Variants in GALNT13 observed in about 807,000 individuals in gnomAD.
GALNT13 encodes UDP-GalNAc:polypeptide N-acetylgalactosaminyltransferase 13.
In GALNT13, 28 loss-of-function variants were observed where a neutral mutation model predicts 64.2. The observed-to-expected ratio is 0.44, with a 90% CI of 0.32 to 0.60. GALNT13 has a LOEUF of 0.60. Ranked by LOEUF, GALNT13 falls within the 20% of genes least tolerant of loss-of-function variation. GALNT13 has a pLI of 0.05. For synonymous variants in GALNT13, 214 were observed against 224.6 expected (o/e 0.95, Z 0.42); for missense variants, 577 against 669.8 (o/e 0.86, Z 1.53).
At chr2:153,837,754 T>C in the GALNT13 span, among the ~76,000 whole-genome samples, 1 of 152,092 alleles carries the variant, frequency 6.6e-6, no homozygotes, top group Non-Finnish European at 1.5e-5. Context: ...CTCTTCCAGA[T>C]ACTAATTTTA....
chr2:154,056,565 A>C (rs1699903542), intron 3 of GALNT13, among the ~76,000 whole-genome samples: 1 of 152,106 alleles, frequency 6.6e-6, no homozygotes, highest in Non-Finnish European at 1.5e-5. Flanking sequence ...TTCTTACTGT[A>C]CTTAAAGTTT....
intron 3 of GALNT13, among the ~76,000 whole-genome samples, chr2:154,112,496 C>G (rs1171578814): frequency 6.6e-6 from 1 of 152,194 alleles, no homozygotes; most frequent in Admixed American, 6.5e-5. Flanking sequence ...TTGGAGAGGT[C>G]CATCCACATC....
the GALNT13 span, among the ~76,000 whole-genome samples, chr2:153,596,113 G>A: frequency 2.0e-5 from 3 of 152,160 alleles, no homozygotes; most frequent in South Asian, 6.2e-4. Context: ...TTGGCTGGAA[G>A]CCTAGCTGTG....
At chr2:153,098,836 G>A in the GALNT13 span, among the ~76,000 whole-genome samples, 12 of 152,094 alleles carry the variant, frequency 7.9e-5, no homozygotes, top group Admixed American at 7.9e-4. Context: ...AGCTTGACCA[G>A]ATAAAATAAA....
chr2:154,435,057 T>G (rs1465741995), intron 11 of GALNT13, among the ~76,000 whole-genome samples: 1 of 152,222 alleles, frequency 6.6e-6, no homozygotes, highest in Non-Finnish European at 1.5e-5. Flanking sequence ...TCAAAGTGAT[T>G]AGACTTTGAA....
the GALNT13 span, among the ~76,000 whole-genome samples, chr2:153,207,739 CAATT>C: frequency 5.9e-5 from 9 of 152,050 alleles, no homozygotes; most frequent in Non-Finnish European, 1.2e-4. Context: ...CGATGTGTGT[CAATT>C]AATTAGTTAT....
At chr2:153,079,066 G>A in the GALNT13 span, among the ~76,000 whole-genome samples, 1 of 152,086 alleles carries the variant, frequency 6.6e-6, no homozygotes, top group Non-Finnish European at 1.5e-5. Flanking sequence ...ATATGGCAAG[G>A]TCAGTAGATT....
the GALNT13 span, among the ~76,000 whole-genome samples, chr2:153,316,539 G>A: frequency 6.7e-6 from 1 of 150,254 alleles, no homozygotes; most frequent in African/African-American, 2.4e-5. Context: ...TACTTGGGAG[G>A]CTGAGGCAGG....
At chr2:153,627,886 A>G in the GALNT13 span, among the ~76,000 whole-genome samples, 3 of 152,228 alleles carry the variant, frequency 2.0e-5, no homozygotes, top group East Asian at 1.9e-4. Context: ...AATTCTGTGA[A>G]GAAGGTCATT....
intron 3 of GALNT13, among the ~76,000 whole-genome samples, chr2:154,136,264 A>G (rs1401585880): frequency 6.6e-6 from 1 of 152,220 alleles, no homozygotes; most frequent in Non-Finnish European, 1.5e-5. Context: ...CAAGCAAGGC[A>G]TATGGGATAT....
chr2:153,444,059 A>C, the GALNT13 span, among the ~76,000 whole-genome samples: 1 of 152,118 alleles, frequency 6.6e-6, no homozygotes, highest in South Asian at 2.1e-4. Flanking sequence ...AATTTTATCT[A>C]TCATTTACCT....
At chr2:153,552,094 T>A in the GALNT13 span, among the ~76,000 whole-genome samples, 4 of 152,132 alleles carry the variant, frequency 2.6e-5, no homozygotes, top group Admixed American at 2.6e-4. Flanking sequence ...TTCTGGTAGG[T>A]TGAGATGATG....
intron 3 of GALNT13, among the ~76,000 whole-genome samples, chr2:153,993,875 A>G (rs1227219579): frequency 9.2e-5 from 14 of 152,076 alleles, no homozygotes; most frequent in Admixed American, 9.2e-4. Context: ...TTTCTTTTGA[A>G]TTAACTCTTG....
At chr2:153,340,003 C>A in the GALNT13 span, among the ~76,000 whole-genome samples, 1 of 151,990 alleles carries the variant, frequency 6.6e-6, no homozygotes, top group African/African-American at 2.4e-5. Context: ...ATTATTGTAG[C>A]TTTATAATAT....
chr2:154,106,696 G>A (rs978386022), intron 3 of GALNT13, among the ~76,000 whole-genome samples: 2 of 151,682 alleles, frequency 1.3e-5, no homozygotes, highest in African/African-American at 4.8e-5. Context: ...GTTCCTTTTT[G>A]TGGGCCTTTC....
At chr2:153,729,059 A>G in the GALNT13 span, among the ~76,000 whole-genome samples, 1 of 152,174 alleles carries the variant, frequency 6.6e-6, no homozygotes, top group African/African-American at 2.4e-5. Context: ...TATCAGAGGT[A>G]CAAAGAAGAG....
chr2:153,517,923 G>A, the GALNT13 span, among the ~76,000 whole-genome samples: 5 of 152,072 alleles, frequency 3.3e-5, no homozygotes, highest in Admixed American at 2.0e-4. Flanking sequence ...AAGTGACCAA[G>A]GTAAACATCC....
rs1316203890 is a variant in GALNT13 at position 153,986,875 on chromosome 2, G to A, written c.142+42236G>A. ...TTGTATTTCATCTGAAGTACAGTGGGAAGCCACTAAAAAATATTAACGATA... is the reference window on the plus strand; with the variant it reads ...TTGTATTTCATCTGAAGTACAGTGGAAAGCCACTAAAAAATATTAACGATA... On this transcript the variant is annotated intron_variant, in intron 3 of 12. Coordinates refer to ENST00000392825, the MANE Select transcript of GALNT13 (RefSeq NM_052917.4). Among the ~76,000 whole-genome samples the A allele has an allele frequency of 3.9e-5, 6 of 152,018 alleles. 1 individual carries two copies. In the South Asian group the frequency reaches 1.2e-3, roughly 32 times the overall value.
the GALNT13 span, among the ~76,000 whole-genome samples, chr2:153,799,364 C>A: frequency 6.6e-6 from 1 of 152,262 alleles, no homozygotes; most frequent in South Asian, 2.1e-4. Flanking sequence ...CCTTCCCCAG[C>A]CTCCTCAACC....
Sources: allele counts gnomAD v4.1 joint callset (sites outside exome capture counted in the v4.1 genomes callset), GRCh38; gene constraint gnomAD v4.1.1; transcripts MANE v1.5; gene names NCBI Gene and HGNC (gene_info 2026-07-23, HGNC 2026-07-21).